Variants in TRPM4 observed in about 807,000 individuals in gnomAD.
The protein encoded by TRPM4 is transient receptor potential cation channel subfamily M member 4.
In TRPM4, 124 loss-of-function variants were observed where a neutral mutation model predicts 135.6. The observed-to-expected ratio is 0.91, with a 90% confidence interval of 0.79 to 1.06. The LOEUF is 1.06. TRPM4 is among the 50% of genes least tolerant of loss of function. The pLI is 0.00. For missense variants in TRPM4, 1,658 were observed against 1,671.4 expected, an observed-to-expected ratio of 0.99 and a Z score of 0.14; for synonymous variants, 745 against 705.6, an observed-to-expected ratio of 1.06 and a Z score of -0.88.
At chr19:49,199,377 G>T (rs34624185) in intron 17 of TRPM4, among the ~76,000 whole-genome samples, 44,042 of 151,982 alleles carry the variant, frequency 0.29, 6,518 homozygotes, top group South Asian at 0.37. Flanking sequence ...TCCTGCCTCA[G>T]CCTACTGAGT....
intron 17 of TRPM4, among the ~76,000 whole-genome samples, chr19:49,197,130 T>C (rs1185615853): frequency 6.6e-6 from 1 of 152,158 alleles, no homozygotes; most frequent in East Asian, 1.9e-4. Flanking sequence ...TCTGCTGCTA[T>C]TTATTGCTAG....
intron 16 of TRPM4, among the ~76,000 whole-genome samples, chr19:49,191,707 C>T (rs892288562): frequency 6.6e-6 from 1 of 151,946 alleles, no homozygotes; most frequent in Non-Finnish European, 1.5e-5. Context: ...ATCACATTGG[C>T]CAGGCTGGTC....
At chr19:49,200,006 A>C (rs1196675469) in intron 17 of TRPM4, among the ~76,000 whole-genome samples, 1 of 152,120 alleles carries the variant, frequency 6.6e-6, no homozygotes, top group East Asian at 1.9e-4. Flanking sequence ...TATAGGTTGG[A>C]CAGATATTCC....
chr19:49,190,339 G>T lies in TRPM4; in HGVS notation c.2132+19G>T, dbSNP rs559176232. 9.3e-6 allele frequency: 15 copies of T among 1,607,134 alleles called. No individual in the cohort carries two copies. In the South Asian group the frequency reaches 1.6e-4, roughly 18 times the overall value. ...CCTTCAGGTCAGTACCCTGGGGTGAGAGTGGTGGGGATGGGGGCGGGGTGC... is the reference window on the plus strand; with the variant it reads ...CCTTCAGGTCAGTACCCTGGGGTGATAGTGGTGGGGATGGGGGCGGGGTGC... On this transcript the variant is annotated intron_variant, in intron 15 of 24. Coordinates refer to ENST00000252826, the MANE Select transcript of TRPM4 (RefSeq NM_017636.4).
At position 49,211,011 on chromosome 19, in the gene TRPM4, T is replaced by G; in HGVS notation, c.3462-4T>G. The G allele has an allele frequency of 6.2e-7, 1 of 1,613,830 alleles. No homozygotes were observed. On this transcript the variant is annotated splice_polypyrimidine_tract_variant and splice_region_variant and intron_variant, in intron 22 of 24. Transcript: ENST00000252826. The surrounding 1 kb of genome is among the most constrained non-coding windows in gnomAD (Gnocchi z 4.8). ...GCCCCCGGTAAGAGGCCCTCCCTTC[T>G]CAGGGTGGACTTGGCACTGAAACAG...
intron 2 of TRPM4, among the ~76,000 whole-genome samples, chr19:49,162,022 C>T (rs1966985623): frequency 1.3e-5 from 2 of 152,118 alleles, no homozygotes; most frequent in Non-Finnish European, 2.9e-5. Flanking sequence ...GGAACACCTA[C>T]ACTCAAGGGA....
chr19:49,158,033 A>G (rs1317218987), intron 1 of TRPM4, 143 bp downstream of exon 1: 1 of 1,268,002 alleles, frequency 7.9e-7, no homozygotes, highest in African/African-American at 1.5e-5. Flanking sequence ...GGTCCAGGGC[A>G]TGGGGGTCGA....
chr19:49,161,765 G>T (rs1966976145), intron 2 of TRPM4, among the ~76,000 whole-genome samples: 1 of 152,050 alleles, frequency 6.6e-6, no homozygotes, highest in African/African-American at 2.4e-5. Context: ...GAGTAGCTGG[G>T]ATTACAGGCA....
chr19:49,210,901 GCT>G lies in TRPM4; in HGVS notation c.3461+60_3461+61del. 1 of 1,588,758 alleles carries G rather than the reference GCT, an allele frequency of 6.3e-7. No homozygotes were observed. The highest frequency in any genetic ancestry group is 8.6e-7 in the Non-Finnish European group (1 of 1,168,756). On this transcript the variant is annotated intron_variant, in intron 22 of 24. Coordinates refer to ENST00000252826, the MANE Select transcript of TRPM4 (RefSeq NM_017636.4). The surrounding 1 kb of genome is among the most constrained non-coding windows in gnomAD (Gnocchi z 4.1). ...TGGCCTGGGGCGGATCCTGACTTCAGCTGAAGGCAGGGTCCTGGGAGGGAGGG... is the reference window on the plus strand; with the variant it reads ...TGGCCTGGGGCGGATCCTGACTTCAGGAAGGCAGGGTCCTGGGAGGGAGGG...
At chr19:49,158,055 C>A (rs2041548770) in intron 1 of TRPM4, 137 bp from the exon 2 acceptor site, 2 of 1,269,716 alleles carry the variant, frequency 1.6e-6, no homozygotes, top group Non-Finnish European at 1.1e-6. Context: ...ACTCCTGAGT[C>A]TGGAGCGGGA....
intron 20 of TRPM4, among the ~76,000 whole-genome samples, chr19:49,208,881 C>A (rs187283711): frequency 2.0e-5 from 3 of 151,602 alleles, no homozygotes; most frequent in African/African-American, 7.3e-5. Flanking sequence ...ATGGCATGAA[C>A]CCAGGAGGCG....
At position 49,200,411 on chromosome 19, in the gene TRPM4, G is replaced by C. The variant is rs747014449; in HGVS notation, c.2757G>C (p.Lys919Asn). 2 of 1,591,112 alleles carry C rather than the reference G, an allele frequency of 1.3e-6. No homozygotes were observed. Among genetic ancestry groups the C allele is most frequent in the Admixed American group, 1.7e-5 (1 of 59,100 alleles). Residue 919 changes from lysine to asparagine, a missense_variant, in exon 18 of 25, where the codon AAG becomes AAC. Lys to Asn is a moderately conservative substitution (Grantham distance 94). Around this residue, in one of 3 missense-constraint regions of TRPM4, gnomAD observed 1,412 missense variants for 1,408.7 expected, o/e 1.00. Coordinates refer to ENST00000252826, the MANE Select transcript of TRPM4 (RefSeq NM_017636.4). ...CGGTCAACAAACAGCTGGGGCCCAAGATCGTCATCGTGAGCAAGATGGTGA... is the reference window on the plus strand; with the variant it reads ...CGGTCAACAAACAGCTGGGGCCCAACATCGTCATCGTGAGCAAGATGGTGA... ...IFTVNKQLGP[K>N]IVIVSKMMKD...
rs570481382 is a variant in TRPM4, at chr19:49,201,995, G to A, written c.2985G>A (p.Ser995=). 16 of 1,613,528 alleles carry A rather than the reference G, an allele frequency of 9.9e-6. No individual in the cohort carries two copies. The highest frequency in any genetic ancestry group is 4.0e-5 in the African/African-American group (3 of 75,014). The part of the protein sequence containing the change: ...VALMEHSNCS[S]EPGFWAHPPG... ...TCATGGAGCACAGCAACTGCTCGTC[G>A]GAGCCCGGCTTCTGGGCACACCCTC... is the stretch of plus-strand genomic sequence containing the variant. Residue 995 remains serine (S), a synonymous_variant, in exon 20 of 25, where the codon TCG becomes TCA. Coordinates refer to ENST00000252826, the MANE Select transcript of TRPM4 (RefSeq NM_017636.4).
intron 2 of TRPM4, among the ~76,000 whole-genome samples, chr19:49,160,231 C>T (rs949379547): frequency 1.1e-4 from 17 of 152,212 alleles, no homozygotes; most frequent in Non-Finnish European, 2.1e-4. Context: ...TGGCTCACGC[C>T]TGTCATCCCA....
At position 49,188,901 on chromosome 19, in the gene TRPM4, C is replaced by G. The variant is rs377767228; in HGVS notation, c.1874-45C>G. The G allele has an allele frequency of 7.4e-6, 12 of 1,613,706 alleles. No homozygotes were observed. In the African/African-American group the frequency reaches 1.6e-4, roughly 22 times the overall value. On this transcript the variant is annotated intron_variant, in intron 13 of 24. Transcript: ENST00000252826. ...TTACCTCTCCCTTCACACCCTCACC[C>G]TACTCCTTCCCATCCCTGTCACATA...
chr19:49,163,884 T>G (rs1910572632), intron 2 of TRPM4, among the ~76,000 whole-genome samples: 1 of 152,118 alleles, frequency 6.6e-6, no homozygotes, highest in Non-Finnish European at 1.5e-5. Context: ...CTGAAATGGG[T>G]GAACGGACAA....
chr19:49,167,179 A>C (rs1336918575), intron 3 of TRPM4, among the ~76,000 whole-genome samples: 2 of 51,164 alleles, frequency 3.9e-5, no homozygotes, highest in Admixed American at 2.5e-4. Flanking sequence ...TCTCTGTCCC[A>C]TGTCTCTGGG....
At chr19:49,175,868 C>G (rs529382926) in intron 9 of TRPM4, among the ~76,000 whole-genome samples, 3 of 149,984 alleles carry the variant, frequency 2.0e-5, no homozygotes, top group African/African-American at 4.9e-5. Context: ...ACCTTGTGAT[C>G]CACCCGCCTC....
rs547692777 is a variant in TRPM4, at chr19:49,182,947, G to GC, written c.1608+32dup. 552 of 1,578,036 alleles carry GC rather than the reference G, an allele frequency of 3.5e-4. 1 individual carries two copies. The highest frequency in any genetic ancestry group is 1.3e-3 in the South Asian group (115 of 86,862). ...CGTAAGGACCGGGCAAAGCTGGGGGGCCCCCCCGCGCGGGAAGGACCTGGG... is the reference window on the plus strand; with the variant it reads ...CGTAAGGACCGGGCAAAGCTGGGGGGCCCCCCCCGCGCGGGAAGGACCTGGG... On this transcript the variant is annotated intron_variant, in intron 11 of 24. Coordinates refer to ENST00000252826, the MANE Select transcript of TRPM4 (RefSeq NM_017636.4).
Sources: allele counts gnomAD v4.1 joint callset (sites outside exome capture counted in the v4.1 genomes callset), GRCh38; gene constraint gnomAD v4.1.1; regional missense constraint gnomAD v4.1.1; non-coding constraint Gnocchi (gnomAD v3.1); transcripts MANE v1.5; gene names NCBI Gene and HGNC (gene_info 2026-07-23, HGNC 2026-07-21).